The following OTUD7A variants were observed in gnomAD, a reference collection of about 807,000 sequenced individuals.
The protein encoded by OTUD7A is OTU domain-containing protein 7A.
A neutral mutation model predicts 65.7 loss-of-function variants in OTUD7A; 12 were observed. The observed-to-expected ratio is 0.18, with a 90% confidence interval of 0.12 to 0.30. The LOEUF (loss-of-function observed/expected upper bound fraction) is 0.30. OTUD7A is among the 10% of genes least tolerant of loss of function. The pLI, the probability that OTUD7A is intolerant of heterozygous loss-of-function variation, is 1.00. For synonymous variants in OTUD7A, 641 were observed against 586.3 expected (o/e 1.09, Z -1.35); for missense variants, 1,148 against 1,304.8 (o/e 0.88, Z 1.85).
rs1288271633 is a variant in OTUD7A, at chr15:31,479,783, C to T, written c.*3511G>A. 1 of 152,032 alleles carries T rather than the reference C, an allele frequency of 6.6e-6. No individual in the cohort carries two copies. The highest frequency in any genetic ancestry group is 6.5e-5 in the Admixed American group (1 of 15,270). The allele number at this position is 152,032 out of a possible 1,614,324, so 9.4% of individuals were successfully genotyped here. On this transcript the variant is annotated 3_prime_UTR_variant, in exon 13 of 13. Transcript: ENST00000307050. ...TGGAGAGTCCTTTTATCTTCAGCAC[C>T]CCCAATTCTTGACAGTAAGCTACGA...
intron 8 of OTUD7A, among the ~76,000 whole-genome samples, chr15:31,524,845 A>G (rs1486163573): frequency 1.3e-5 from 2 of 152,142 alleles, no homozygotes; most frequent in African/African-American, 4.8e-5. Context: ...TGTGGGAGAT[A>G]GGGACAGACA....
intron 1 of OTUD7A, among the ~76,000 whole-genome samples, chr15:31,658,601 ACAGGTCT>A (rs1892061644): frequency 6.6e-6 from 1 of 152,142 alleles, no homozygotes; most frequent in African/African-American, 2.4e-5. Context: ...ACACACACAT[ACAGGTCT>A]CAGAGACCAA....
In OTUD7A at chr15:31,526,505, G is replaced by A. The variant is rs1487000678; in HGVS notation, c.781-44C>T. On this transcript the variant is annotated intron_variant, in intron 7 of 12. Coordinates refer to ENST00000307050, the MANE Select transcript of OTUD7A (RefSeq NM_001382637.1). ...CTCAGAAGGGGGGTGGGCCACAGCT[G>A]CGCTGCCCTCCTCTCCTCACCCTCC... The A allele has an allele frequency of 9.6e-6, 14 of 1,455,502 alleles. No homozygotes were observed. In the East Asian group the frequency reaches 3.3e-4, roughly 34 times the overall value. 90.2% of individuals were successfully genotyped at this position (1,455,502 alleles called of 1,614,324 possible).
chr15:31,547,365 T>A (rs1187550044), intron 5 of OTUD7A, among the ~76,000 whole-genome samples: 5 of 152,204 alleles, frequency 3.3e-5, no homozygotes, highest in Admixed American at 2.6e-4. Context: ...TGTTTCTTAT[T>A]TTTACCCAGA....
intron 3 of OTUD7A, among the ~76,000 whole-genome samples, chr15:31,629,217 T>C (rs900999234): frequency 5.4e-4 from 83 of 152,328 alleles, no homozygotes; most frequent in African/African-American, 1.8e-3. Flanking sequence ...CAGTATGATA[T>C]TGGCTGTGGG....
intron 1 of OTUD7A, among the ~76,000 whole-genome samples, chr15:31,725,096 C>CA (rs1160646855): frequency 6.6e-6 from 1 of 152,140 alleles, no homozygotes; most frequent in African/African-American, 2.4e-5. Flanking sequence ...CAGAGCCCCC[C>CA]ACATGACTAC....
At chr15:31,573,277 G>T (rs1889106596) in intron 3 of OTUD7A, among the ~76,000 whole-genome samples, 1 of 152,180 alleles carries the variant, frequency 6.6e-6, no homozygotes. Context: ...ACTCTTTTCT[G>T]TATAAAGGCT....
chr15:31,488,769 G>C (rs894119997), intron 10 of OTUD7A, among the ~76,000 whole-genome samples: 1 of 152,228 alleles, frequency 6.6e-6, no homozygotes, highest in Non-Finnish European at 1.5e-5. Context: ...CTGCCCTCCA[G>C]TGTTGCTTAA....
intron 5 of OTUD7A, chr15:31,557,219 C>G (rs1479979255): frequency 6.6e-6 from 1 of 152,304 alleles, no homozygotes; most frequent in Non-Finnish European, 1.5e-5. Flanking sequence ...CATCTTGTGC[C>G]TTCCCTCTTG....
At chr15:31,733,349 C>T (rs1317279408) in intron 1 of OTUD7A, among the ~76,000 whole-genome samples, 4 of 152,186 alleles carry the variant, frequency 2.6e-5, no homozygotes, top group African/African-American at 7.2e-5. Context: ...CCAGACTCAC[C>T]GTGGGCCCCA....
chr15:31,655,592 TACTAG>T (rs1302626709), intron 2 of OTUD7A, among the ~76,000 whole-genome samples: 2 of 152,146 alleles, frequency 1.3e-5, no homozygotes, highest in Non-Finnish European at 2.9e-5. Context: ...AATGGGCCCT[TACTAG>T]ACACCAAATC....
At chr15:31,771,074 T>C (rs1895222354) in intron 1 of OTUD7A, among the ~76,000 whole-genome samples, 2 of 152,240 alleles carry the variant, frequency 1.3e-5, no homozygotes, top group Admixed American at 1.3e-4. Flanking sequence ...GAACAACAAA[T>C]TAAAGGCATA....
intron 3 of OTUD7A, among the ~76,000 whole-genome samples, chr15:31,603,885 C>T (rs1890157790): frequency 6.6e-6 from 1 of 152,050 alleles, no homozygotes; most frequent in African/African-American, 2.4e-5. Flanking sequence ...AAATCAAAAC[C>T]ACAATGAGAT....
At chr15:31,582,138 G>C (rs771219298) in intron 3 of OTUD7A, among the ~76,000 whole-genome samples, 61 of 152,296 alleles carry the variant, frequency 4.0e-4, no homozygotes, top group Non-Finnish European at 7.1e-4. Context: ...CGGGCAAAAA[G>C]CTACCAGTCT....
chr15:31,762,448 A>G (rs1396778004), intron 1 of OTUD7A, among the ~76,000 whole-genome samples: 1 of 152,268 alleles, frequency 6.6e-6, no homozygotes, highest in Non-Finnish European at 1.5e-5. Flanking sequence ...AGGAGCATAA[A>G]GAACCAGAAA....
chr15:31,809,901 T>G (rs939345566), intron 1 of OTUD7A, among the ~76,000 whole-genome samples: 1 of 152,264 alleles, frequency 6.6e-6, no homozygotes, highest in Non-Finnish European at 1.5e-5. Context: ...TAACTATTTC[T>G]TAGTCCGTTA....
At chr15:31,663,715 T>C (rs1188607054) in intron 1 of OTUD7A, among the ~76,000 whole-genome samples, 1 of 152,134 alleles carries the variant, frequency 6.6e-6, no homozygotes, top group Non-Finnish European at 1.5e-5. Context: ...ACAGGTGGTG[T>C]TTGGTTACAT....
chr15:31,556,636 T>C (rs16956869), intron 5 of OTUD7A: 36,989 of 152,120 alleles, frequency 0.24, 4,997 homozygotes, highest in African/African-American at 0.36. Flanking sequence ...CATGGTGGGG[T>C]CTACCTACAA....
intron 3 of OTUD7A, among the ~76,000 whole-genome samples, chr15:31,591,138 G>C (rs1005870374): frequency 6.6e-6 from 1 of 151,982 alleles, no homozygotes; most frequent in Non-Finnish European, 1.5e-5. Flanking sequence ...GGCAATATGG[G>C]GCATAGAACA....
Sources: allele counts gnomAD v4.1 joint callset (sites outside exome capture counted in the v4.1 genomes callset), GRCh38; gene constraint gnomAD v4.1.1; transcripts MANE v1.5; gene names NCBI Gene and HGNC (gene_info 2026-07-23, HGNC 2026-07-21).